The following SPAG16 variants were observed in gnomAD, a reference collection of about 807,000 sequenced individuals.
SPAG16 encodes sperm-associated antigen 16 protein.
SPAG16 carries 86 observed loss-of-function variants against 80.4 expected under a neutral mutation model. That is an observed-to-expected ratio of 1.07 (90% CI 0.90 to 1.28). SPAG16 has a LOEUF of 1.28. Ranked by LOEUF, SPAG16 falls within the 50% of genes most tolerant of loss-of-function variation. The pLI, the probability that SPAG16 is intolerant of heterozygous loss-of-function variation, is 0.00. For synonymous variants in SPAG16, 294 were observed against 265.9 expected, an observed-to-expected ratio of 1.11 and a Z score of -1.03; for missense variants, 870 against 765.3, an observed-to-expected ratio of 1.14 and a Z score of -1.61.
intron 15 of SPAG16, among the ~76,000 whole-genome samples, chr2:214,335,331 C>G (rs547491027): frequency 1.3e-5 from 2 of 152,084 alleles, no homozygotes; most frequent in Non-Finnish European, 2.9e-5. Flanking sequence ...ATCTCTGTGA[C>G]GCCCCGCAGC....
intron 10 of SPAG16, among the ~76,000 whole-genome samples, chr2:213,859,728 G>A (rs1358079941): frequency 1.3e-5 from 2 of 152,138 alleles, no homozygotes; most frequent in Non-Finnish European, 2.9e-5. Context: ...GGCAATTTAT[G>A]TGGTATCTCT....
intron 3 of SPAG16, among the ~76,000 whole-genome samples, chr2:213,299,408 C>T (rs1011575503): frequency 3.3e-5 from 5 of 150,070 alleles, no homozygotes; most frequent in African/African-American, 9.8e-5. Flanking sequence ...GTAGCTGGGA[C>T]TACAGGCACC....
In SPAG16 at chr2:214,332,080, C is replaced by T. The variant is rs142739837; in HGVS notation, c.1721-78060C>T. ...CAGCATGGCCAACATGGTGAAATCC[C>T]ACCTCTGCTAAAAATACAAAAATTA... On this transcript the variant is annotated intron_variant, in intron 15 of 15. Coordinates refer to ENST00000331683, the MANE Select transcript of SPAG16 (RefSeq NM_024532.5). 6.2e-4 allele frequency among the ~76,000 whole-genome samples: 95 copies of T among 152,194 alleles called. 1 individual carries two copies. Among genetic ancestry groups the T allele is most frequent in the African/African-American group, 2.2e-3 (93 of 41,514 alleles).
intron 12 of SPAG16, among the ~76,000 whole-genome samples, chr2:213,943,376 A>G (rs150551969): frequency 2.6e-3 from 393 of 152,298 alleles, no homozygotes; most frequent in Non-Finnish European, 4.4e-3. Context: ...GAAGAGAGCT[A>G]GAAAGGTCTC....
intron 8 of SPAG16, among the ~76,000 whole-genome samples, chr2:213,371,647 T>C (rs1462136113): frequency 6.6e-6 from 1 of 152,126 alleles, no homozygotes; most frequent in African/African-American, 2.4e-5. Context: ...TTATTTACTT[T>C]GAAGTTAGAA....
At chr2:213,591,686 A>G (rs554521399) in intron 10 of SPAG16, among the ~76,000 whole-genome samples, 1 of 152,306 alleles carries the variant, frequency 6.6e-6, no homozygotes, top group African/African-American at 2.4e-5. Context: ...ACAAGGAAAA[A>G]TGATAATTTA....
At chr2:214,103,761 CTGTT>C (rs1231409667) in intron 13 of SPAG16, among the ~76,000 whole-genome samples, 13 of 151,916 alleles carry the variant, frequency 8.6e-5, no homozygotes, top group Non-Finnish European at 1.9e-4. Context: ...AGAGAGAAGA[CTGTT>C]TATTTTCTAT....
At position 213,962,119 on chromosome 2, in the gene SPAG16, G is replaced by T. The variant is rs141680026; in HGVS notation, c.1400+31974G>T. On this transcript the variant is annotated intron_variant, in intron 12 of 15. Coordinates refer to ENST00000331683, the MANE Select transcript of SPAG16 (RefSeq NM_024532.5). ...TAAGCCCCAAGTAATTCTATTTGGAGATAAGGCATTTAAAGCGGTAATTAT... is the reference window on the plus strand; with the variant it reads ...TAAGCCCCAAGTAATTCTATTTGGATATAAGGCATTTAAAGCGGTAATTAT... Among the ~76,000 whole-genome samples, 447 of 152,018 alleles carry T rather than the reference G, an allele frequency of 2.9e-3. 3 individuals are homozygous for T. The highest frequency in any genetic ancestry group is 0.01 in the African/African-American group (429 of 41,478).
intron 5 of SPAG16, among the ~76,000 whole-genome samples, chr2:213,338,290 A>G (rs777635994): frequency 3.9e-5 from 6 of 152,234 alleles, no homozygotes; most frequent in Non-Finnish European, 8.8e-5. Context: ...CAGTGACAAT[A>G]TGAGGCAACT....
chr2:213,525,834 T>C (rs548143997), intron 10 of SPAG16, among the ~76,000 whole-genome samples: 23 of 152,114 alleles, frequency 1.5e-4, no homozygotes, highest in Non-Finnish European at 2.9e-4. Flanking sequence ...CCAGGGTAGA[T>C]ACAGATGTAG....
intron 9 of SPAG16, among the ~76,000 whole-genome samples, chr2:213,425,907 T>C (rs955165973): frequency 1.3e-5 from 2 of 152,190 alleles, no homozygotes; most frequent in African/African-American, 4.8e-5. Flanking sequence ...ATACTAAGCT[T>C]GGGCCAGGAA....
chr2:214,404,835 T>C (rs1040145501), intron 15 of SPAG16, among the ~76,000 whole-genome samples: 1 of 152,040 alleles, frequency 6.6e-6, no homozygotes, highest in African/African-American at 2.4e-5. Context: ...GCTGGAGATA[T>C]GGGAAGGGAT....
chr2:213,771,305 T>G (rs1380553178), intron 10 of SPAG16, among the ~76,000 whole-genome samples: 1 of 151,988 alleles, frequency 6.6e-6, no homozygotes, highest in Non-Finnish European at 1.5e-5. Flanking sequence ...TTTTAATGTT[T>G]TTTTCCTTGT....
chr2:213,675,444 A>G (rs531563590), intron 10 of SPAG16, among the ~76,000 whole-genome samples: 13 of 152,192 alleles, frequency 8.5e-5, no homozygotes, highest in Admixed American at 8.5e-4. Flanking sequence ...GGTGTTTTAG[A>G]CATGAAGTCC....
chr2:214,327,798 T>A (rs1696598499), intron 15 of SPAG16, among the ~76,000 whole-genome samples: 1 of 152,226 alleles, frequency 6.6e-6, no homozygotes, highest in East Asian at 1.9e-4. Flanking sequence ...TGGTATAGAT[T>A]CTTTTTTATT....
intron 11 of SPAG16, among the ~76,000 whole-genome samples, chr2:213,895,936 AT>A (rs1340625303): frequency 1.3e-5 from 2 of 152,144 alleles, no homozygotes; most frequent in East Asian, 1.9e-4. Context: ...ATAAAAAAAA[AT>A]GAAAAGAAAA....
intron 10 of SPAG16, among the ~76,000 whole-genome samples, chr2:213,505,406 C>G (rs1301277990): frequency 6.6e-6 from 1 of 151,912 alleles, no homozygotes; most frequent in Non-Finnish European, 1.5e-5. Flanking sequence ...AAGATTTACT[C>G]TACCATACAA....
At chr2:213,313,020 A>G (rs2126124324) in intron 4 of SPAG16, among the ~76,000 whole-genome samples, 1 of 151,920 alleles carries the variant, frequency 6.6e-6, no homozygotes, top group Admixed American at 6.6e-5. Context: ...TTCCTTTGTC[A>G]TTTGATCTTA....
At chr2:213,562,551 A>G in intron 10 of SPAG16, among the ~76,000 whole-genome samples, 1 of 152,216 alleles carries the variant, frequency 6.6e-6, no homozygotes, top group East Asian at 1.9e-4. Flanking sequence ...AAAGTCCAAG[A>G]TTAGGGTGCT....
Sources: gnomAD v4.1 joint callset for allele counts (sites outside exome capture counted in the v4.1 genomes callset) on GRCh38, gnomAD v4.1.1 for gene constraint, MANE v1.5 for transcripts, NCBI Gene and HGNC (gene_info 2026-07-23, HGNC 2026-07-21) for gene names.